The following KLF8 variants were observed in gnomAD, a reference collection of about 807,000 sequenced individuals.
KLF8 encodes Krueppel-like factor 8.
KLF8 carries 10 observed loss-of-function variants against 18.2 expected under a neutral mutation model. The observed-to-expected ratio is 0.55, with a 90% CI of 0.34 to 0.93. The LOEUF (loss-of-function observed/expected upper bound fraction) is 0.93. Ranked by LOEUF, KLF8 falls within the 40% of genes least tolerant of loss-of-function variation. The pLI, the probability that KLF8 is intolerant of heterozygous loss-of-function variation, is 0.02. For synonymous variants in KLF8, 109 were observed against 97.3 expected, an observed-to-expected ratio of 1.12 and a Z score of -0.71; for missense variants, 264 against 277.9, an observed-to-expected ratio of 0.95 and a Z score of 0.36.
chrX:56,183,062 C>T, the KLF8 span, among the ~76,000 whole-genome samples: 3 of 112,314 alleles, frequency 2.7e-5, no homozygotes, highest in Non-Finnish European at 3.8e-5. Context: ...TGCCCTGCCC[C>T]CAGAGCGGGA....
the KLF8 span, among the ~76,000 whole-genome samples, chrX:55,944,681 C>G: frequency 9.0e-6 from 1 of 111,083 alleles, no homozygotes; most frequent in Non-Finnish European, 1.9e-5. Context: ...GTGATATCCC[C>G]TTTATCATTT....
chrX:55,945,735 A>G, the KLF8 span, among the ~76,000 whole-genome samples: 1 of 111,233 alleles, frequency 9.0e-6, no homozygotes, highest in African/African-American at 3.3e-5. Context: ...TATATCTAGA[A>G]AACCCCATTG....
chrX:56,218,695 A>G, the KLF8 span, among the ~76,000 whole-genome samples: 1 of 112,377 alleles, frequency 8.9e-6, no homozygotes, highest in African/African-American at 3.2e-5. Context: ...AAAACCAATG[A>G]AAAATTCAAC....
chrX:56,261,133 C>G (rs778037964), intron 2 of KLF8, among the ~76,000 whole-genome samples: 14 of 111,386 alleles, frequency 1.3e-4, no homozygotes, highest in Non-Finnish European at 2.3e-4. Context: ...TCCTAAGAAC[C>G]GAAAGGGTCT....
chrX:56,056,241 AT>A, the KLF8 span, among the ~76,000 whole-genome samples: 2 of 109,071 alleles, frequency 1.8e-5, no homozygotes, highest in Admixed American at 9.8e-5. Flanking sequence ...CTGAACTTGG[AT>A]TTTTTTCTTG....
At chrX:55,913,054 A>T in the KLF8 span, among the ~76,000 whole-genome samples, 2 of 111,347 alleles carry the variant, frequency 1.8e-5, no homozygotes, top group Admixed American at 9.6e-5. Context: ...CCCTTCTCTA[A>T]ATCTTTCTTT....
the KLF8 span, among the ~76,000 whole-genome samples, chrX:55,997,148 G>C: frequency 1.8e-5 from 2 of 111,875 alleles, no homozygotes; most frequent in Admixed American, 9.4e-5. Flanking sequence ...CAGGGACCCT[G>C]GGGGAGGCTG....
the KLF8 span, among the ~76,000 whole-genome samples, chrX:56,127,761 T>A: frequency 8.9e-6 from 1 of 112,023 alleles, no homozygotes; most frequent in South Asian, 3.7e-4. Context: ...TACCTTAAAA[T>A]GTACAATTTA....
intron 3 of KLF8, chrX:56,268,182 A>G (rs1219491076): frequency 9.0e-6 from 1 of 111,543 alleles, no homozygotes; most frequent in Non-Finnish European, 1.9e-5. Flanking sequence ...TATATATGTC[A>G]CATTTCATTT....
chrX:56,046,079 T>A, the KLF8 span, among the ~76,000 whole-genome samples: 4 of 38,423 alleles, frequency 1.0e-4, no homozygotes, highest in African/African-American at 1.6e-4. Flanking sequence ...TTGTCACATG[T>A]TTTTTCTGCA....
the KLF8 span, among the ~76,000 whole-genome samples, chrX:56,136,873 C>T: frequency 3.6e-5 from 4 of 110,402 alleles, no homozygotes; most frequent in African/African-American, 1.3e-4. Flanking sequence ...AGAGCTAATA[C>T]CCAGAATTTA....
the KLF8 span, among the ~76,000 whole-genome samples, chrX:56,195,040 A>G: frequency 1.8e-5 from 2 of 112,309 alleles, no homozygotes; most frequent in East Asian, 5.6e-4. Flanking sequence ...CATCAACATC[A>G]ACAAAAAGGT....
the KLF8 span, among the ~76,000 whole-genome samples, chrX:55,964,723 A>G: frequency 1.8e-5 from 2 of 112,118 alleles, no homozygotes; most frequent in East Asian, 5.6e-4. Context: ...CAAAGATGAC[A>G]TTACCACAAC....
the KLF8 span, among the ~76,000 whole-genome samples, chrX:56,128,175 A>C: frequency 8.9e-6 from 1 of 112,425 alleles, no homozygotes; most frequent in Non-Finnish European, 1.9e-5. Context: ...GTATAGCAAC[A>C]GATGGAGAGA....
At chrX:56,173,901 G>C in the KLF8 span, among the ~76,000 whole-genome samples, 2 of 111,663 alleles carry the variant, frequency 1.8e-5, no homozygotes, top group Non-Finnish European at 3.8e-5. Flanking sequence ...CTCTCTGTCT[G>C]TTATTGATAT....
the KLF8 span, among the ~76,000 whole-genome samples, chrX:56,058,257 CACATATATAT>C: frequency 0.016 from 663 of 41,428 alleles, 29 homozygotes; most frequent in African/African-American, 0.096. Flanking sequence ...CGTATATATA[CACATATATAT>C]ACATATATAT....
chrX:56,153,530 C>G, the KLF8 span, among the ~76,000 whole-genome samples: 2 of 111,388 alleles, frequency 1.8e-5, no homozygotes, highest in African/African-American at 6.5e-5. Flanking sequence ...ACTTACAACA[C>G]TATGTTGAAC....
the KLF8 span, chrX:55,961,866 G>C: frequency 1.8e-5 from 4 of 228,413 alleles, no homozygotes; most frequent in Admixed American, 2.1e-4. Flanking sequence ...GTCTAGAGCA[G>C]TGAAAAGAAA....
At chrX:56,136,272 ACCAAAAAAGAGCCCGCATCG>A in the KLF8 span, among the ~76,000 whole-genome samples, 1 of 111,140 alleles carries the variant, frequency 9.0e-6, no homozygotes, top group South Asian at 3.8e-4. Flanking sequence ...TTCATATGGA[ACCAAAAAAGAGCCCGCATCG>A]CCAAGTCAAT....
Sources: gnomAD v4.1 joint callset for allele counts (sites outside exome capture counted in the v4.1 genomes callset) on GRCh38, gnomAD v4.1.1 for gene constraint, MANE v1.5 for transcripts, NCBI Gene and HGNC (gene_info 2026-07-23, HGNC 2026-07-21) for gene names.